Variants in MRPS5 observed in about 807,000 individuals in gnomAD.
The protein encoded by MRPS5 is small ribosomal subunit protein uS5m.
Under a neutral mutation model 51.9 loss-of-function variants are expected in MRPS5, and 27 were observed. The ratio of observed to expected loss-of-function variants is 0.52; its 90% CI spans 0.38 to 0.72. MRPS5 has a LOEUF of 0.72. MRPS5 is among the 30% of genes least tolerant of loss of function. The pLI is 0.00. For synonymous variants in MRPS5, 196 were observed against 193.2 expected, an observed-to-expected ratio of 1.01 and a Z score of -0.12; for missense variants, 570 against 545.7, an observed-to-expected ratio of 1.04 and a Z score of -0.44.
intron 6 of MRPS5, among the ~76,000 whole-genome samples, chr2:95,105,445 G>A (rs1320842690): frequency 6.6e-6 from 1 of 152,102 alleles, no homozygotes; most frequent in Non-Finnish European, 1.5e-5. Flanking sequence ...AGCTACTCGG[G>A]AGGCTGAGGC....
chr2:95,119,141 A>G (rs1456181830), intron 1 of MRPS5, among the ~76,000 whole-genome samples: 1 of 152,242 alleles, frequency 6.6e-6, no homozygotes, highest in Non-Finnish European at 1.5e-5. Flanking sequence ...AACACCTACA[A>G]TTCAACAATA....
chr2:95,117,391 A>G (rs1480628140), intron 2 of MRPS5, among the ~76,000 whole-genome samples: 1 of 151,698 alleles, frequency 6.6e-6, no homozygotes. Flanking sequence ...AAGAAAATGT[A>G]ATGATAGAAT....
chr2:95,115,461 C>G (rs934492355), intron 2 of MRPS5, among the ~76,000 whole-genome samples: 1 of 152,218 alleles, frequency 6.6e-6, no homozygotes, highest in South Asian at 2.1e-4. Context: ...TTGTCCATAC[C>G]GCAGTTTCAG....
intron 5 of MRPS5, 111 bp downstream of exon 5, chr2:95,108,064 C>CT (rs772319284): frequency 3.4e-6 from 3 of 877,322 alleles, no homozygotes; most frequent in Non-Finnish European, 3.6e-6. Flanking sequence ...ATGTTCAAAT[C>CT]TTTTTTGGAA....
At chr2:95,120,389 G>A (rs1486291878) in intron 1 of MRPS5, among the ~76,000 whole-genome samples, 1 of 152,198 alleles carries the variant, frequency 6.6e-6, no homozygotes, top group Non-Finnish European at 1.5e-5. Flanking sequence ...GTCCAGAACA[G>A]GCAAGCTACA....
In MRPS5 at chr2:95,087,463, T is replaced by A; in HGVS notation, c.1187A>T (p.Glu396Val). 6.2e-7 allele frequency: 1 copy of A among 1,614,172 alleles called. No individual in the cohort carries two copies. Among genetic ancestry groups the A allele is most frequent in the Non-Finnish European group, 8.5e-7 (1 of 1,180,026 alleles). Residue 396 changes from glutamate (E) to valine (V), a missense_variant, in exon 12 of 12, where the codon GAG (glutamate) becomes GTG (valine). Transcript: ENST00000272418. ...SPRGPLRKDP[E>V]PEDEVPDVKL... ...GACGTCTGGAACCTCATCTTCTGGC[T>A]CTGGATCCTTCCTCAAGGGCCCCCG...
chr2:95,101,783 C>T, intron 7 of MRPS5, 60 bp from the exon 8 acceptor site: 2 of 1,237,394 alleles, frequency 1.6e-6, no homozygotes, highest in Non-Finnish European at 2.3e-6. Flanking sequence ...GTGGTTTTTG[C>T]CACATTTCAA....
chr2:95,116,927 G>C (rs1676300031), intron 2 of MRPS5, among the ~76,000 whole-genome samples: 3 of 152,168 alleles, frequency 2.0e-5, no homozygotes, highest in African/African-American at 7.2e-5. Context: ...GATCACTTGA[G>C]GTCAGGAGTT....
chr2:95,104,556 G>A, intron 7 of MRPS5, 84 bp downstream of exon 7: 6 of 1,421,262 alleles, frequency 4.2e-6, no homozygotes, highest in Non-Finnish European at 6.0e-6. Context: ...CCAGCAGCAT[G>A]AGCCCATGGG....
chr2:95,088,750 A>C (rs2104390088), intron 11 of MRPS5, among the ~76,000 whole-genome samples: 1 of 152,344 alleles, frequency 6.6e-6, no homozygotes, highest in South Asian at 2.1e-4. Context: ...TAAAAGACTA[A>C]AAGAAAACAA....
At chr2:95,106,242 G>C (rs1675944228) in intron 6 of MRPS5, among the ~76,000 whole-genome samples, 181 bp downstream of exon 6, 1 of 152,168 alleles carries the variant, frequency 6.6e-6, no homozygotes, top group African/African-American at 2.4e-5. Flanking sequence ...GTAGTAGTCA[G>C]AAGAGCCAGT....
rs1057026171 is a variant in MRPS5, at chr2:95,108,340, C to T, written c.472G>A (p.Ala158Thr). 9 of 1,614,054 alleles carry T rather than the reference C, an allele frequency of 5.6e-6. No individual in the cohort carries two copies. Among genetic ancestry groups the T allele is most frequent in the Non-Finnish European group, 7.6e-6 (9 of 1,180,038 alleles). ...TCCTGCTCTTCCTTGCTTCTTTGGG[C>T]AATGGTCTGCACTGCTCCATTTTTC... ...LMKNGAVQTI[A>T]QRSKEEQEKV... Residue 158 changes from alanine (A) to threonine (T), a missense_variant, in exon 5 of 12, where the codon GCC becomes ACC. Coordinates refer to ENST00000272418, the MANE Select transcript of MRPS5 (RefSeq NM_031902.5).
chr2:95,105,474 C>A (rs369586885), intron 6 of MRPS5, among the ~76,000 whole-genome samples: 1 of 151,106 alleles, frequency 6.6e-6, no homozygotes, highest in Non-Finnish European at 1.5e-5. Context: ...GGCGTCAACC[C>A]GGGAGGTGGA....
intron 1 of MRPS5, among the ~76,000 whole-genome samples, chr2:95,121,115 C>T (rs1676434556): frequency 6.6e-6 from 1 of 151,466 alleles, no homozygotes; most frequent in Non-Finnish European, 1.5e-5. Flanking sequence ...AAGACTGTCT[C>T]AAAAAAACAA....
chr2:95,109,860 A>C, intron 4 of MRPS5, 56 bp downstream of exon 4: 1 of 1,568,050 alleles, frequency 6.4e-7, no homozygotes. Context: ...AATATCTATA[A>C]AATCTGGGGT....
chr2:95,101,656 A>C, intron 8 of MRPS5, 21 bp downstream of exon 8: 10 of 1,583,110 alleles, frequency 6.3e-6, no homozygotes, highest in Non-Finnish European at 6.8e-6. Flanking sequence ...GAGTGTCAAC[A>C]AAGAAAAAAA....
At chr2:95,118,194 T>C (rs1325380480) in intron 1 of MRPS5, among the ~76,000 whole-genome samples, 7 of 152,180 alleles carry the variant, frequency 4.6e-5, no homozygotes, top group African/African-American at 1.7e-4. Context: ...CTGTACCTTT[T>C]CCTGTGGCCT....
chr2:95,113,454 C>T lies in MRPS5; in HGVS notation c.277+1612G>A, dbSNP rs555925177. Among the ~76,000 whole-genome samples the T allele has an allele frequency of 4.6e-5, 7 of 151,930 alleles. No homozygotes were observed. In the South Asian group the frequency reaches 1.0e-3, roughly 23 times the overall value. ...CCACGCCACTGCATTCCAGCCTGGG[C>T]GACAAGAGCAAGACTCCGTCTCAAA... On this transcript the variant is annotated intron_variant, in intron 3 of 11. Transcript: ENST00000272418.
intron 10 of MRPS5, among the ~76,000 whole-genome samples, chr2:95,095,505 C>G (rs188849836): frequency 9.0e-4 from 137 of 152,346 alleles, no homozygotes; most frequent in African/African-American, 2.4e-3. Flanking sequence ...AACTAACTGT[C>G]TGTCAGACCA....
Sources: gnomAD v4.1 joint callset for allele counts (sites outside exome capture counted in the v4.1 genomes callset) on GRCh38, gnomAD v4.1.1 for gene constraint, MANE v1.5 for transcripts, NCBI Gene and HGNC (gene_info 2026-07-23, HGNC 2026-07-21) for gene names.